Variants in CDC42BPA observed in about 807,000 individuals in gnomAD.
CDC42BPA encodes serine/threonine-protein kinase MRCK alpha.
A neutral mutation model predicts 223.5 loss-of-function variants in CDC42BPA; 80 were observed. That is an observed-to-expected ratio of 0.36 (90% CI 0.30 to 0.43). The LOEUF (loss-of-function observed/expected upper bound fraction) is 0.43, where lower values mean the gene tolerates loss of function less well. Ranked by LOEUF, CDC42BPA falls within the 20% of genes least tolerant of loss-of-function variation. The pLI is 1.00. For missense variants in CDC42BPA, 1,743 were observed against 2,099.9 expected, an observed-to-expected ratio of 0.83 and a Z score of 3.32; for synonymous variants, 694 against 718.6, an observed-to-expected ratio of 0.97 and a Z score of 0.55.
At chr1:227,300,116 G>A (rs1691358580) in intron 1 of CDC42BPA, among the ~76,000 whole-genome samples, 1 of 152,044 alleles carries the variant, frequency 6.6e-6, no homozygotes, top group Admixed American at 6.6e-5. Flanking sequence ...ATTACAAGAG[G>A]AATTTCATTT....
intron 2 of CDC42BPA, among the ~76,000 whole-genome samples, chr1:227,253,249 A>AGAGAGAGAGCGAGAGAGAGAGC (rs1553418801): frequency 2.0e-5 from 3 of 148,522 alleles, no homozygotes; most frequent in East Asian, 2.1e-4. Flanking sequence ...AAAGAGAGCG[A>AGAGAGAGAGCGAGAGAGAGAGC]GAGAGAGAGC....
intron 4 of CDC42BPA, 26 bp downstream of exon 4, chr1:227,199,531 T>C (rs1262871478): frequency 5.6e-6 from 7 of 1,240,856 alleles, no homozygotes; most frequent in South Asian, 3.7e-5. Context: ...AAAAACAGTA[T>C]ATAGAAATAC....
In CDC42BPA at chr1:227,023,305, A is replaced by C; in HGVS notation, c.4573T>G (p.Leu1525Val). Residue 1525 changes from leucine (L) to valine (V), a missense_variant, in exon 32 of 37, where the codon TTG (leucine) becomes GTG (valine). By Grantham distance (32) the Leu-to-Val change is conservative (BLOSUM62 1). This residue lies in a region of CDC42BPA where 678 missense variants were observed against 777.5 expected (regional missense o/e 0.87). Coordinates refer to ENST00000366766, the MANE Select transcript of CDC42BPA (RefSeq NM_001394014.1). ...NNEGSLNLLG[L>V]ETIRLIYFKN... ...AAATATATTAATCTAATGGTCTCCAACCCTAAAAGATTTAATGATCCTTCA... is the reference window on the plus strand; with the variant it reads ...AAATATATTAATCTAATGGTCTCCACCCCTAAAAGATTTAATGATCCTTCA... The C allele has an allele frequency of 6.5e-7, 1 of 1,549,032 alleles. No individual in the cohort carries two copies. The highest frequency in any genetic ancestry group is 1.2e-5 in the South Asian group (1 of 86,514).
At chr1:227,005,228 C>G (rs747232571) in intron 34 of CDC42BPA, 117 bp from the exon 35 acceptor site, 79 of 730,316 alleles carry the variant, frequency 1.1e-4, no homozygotes, top group Non-Finnish European at 1.7e-4. Flanking sequence ...CAGAATGACA[C>G]AGAGTAAGGA....
At position 227,162,929 on chromosome 1, in the gene CDC42BPA, CAT is replaced by C. The variant is rs1485110806; in HGVS notation, c.600-2295_600-2294del. On this transcript the variant is annotated intron_variant, in intron 5 of 36. Coordinates refer to ENST00000366766, the MANE Select transcript of CDC42BPA (RefSeq NM_001394014.1). ...GTGTGTATATGTGTGTGTTTCCAAACATATGTGTGTGTTTCCAAACATATATG... is the reference window on the plus strand; with the variant it reads ...GTGTGTATATGTGTGTGTTTCCAAACATGTGTGTGTTTCCAAACATATATG... Among the ~76,000 whole-genome samples the C allele has an allele frequency of 3.9e-3, 572 of 147,756 alleles. 3 individuals carry two copies. Among genetic ancestry groups the C allele is most frequent in the African/African-American group, 0.013 (495 of 39,468 alleles).
At chr1:227,027,653 T>G (rs1668511455) in intron 30 of CDC42BPA, among the ~76,000 whole-genome samples, 1 of 152,210 alleles carries the variant, frequency 6.6e-6, no homozygotes, top group Non-Finnish European at 1.5e-5. Context: ...ATCATAGCAC[T>G]TACACTCTAC....
At chr1:227,156,917 T>C (rs1313840215) in intron 6 of CDC42BPA, among the ~76,000 whole-genome samples, 12 of 152,156 alleles carry the variant, frequency 7.9e-5, no homozygotes, top group Admixed American at 7.9e-4. Context: ...CAATCTCTGT[T>C]TTCTCAACTC....
At chr1:227,241,666 T>C (rs747924846) in intron 2 of CDC42BPA, among the ~76,000 whole-genome samples, 6 of 152,144 alleles carry the variant, frequency 3.9e-5, no homozygotes, top group Non-Finnish European at 7.4e-5. Context: ...TGCCATTTGA[T>C]GGAAGCTGTG....
intron 1 of CDC42BPA, among the ~76,000 whole-genome samples, chr1:227,271,411 T>C (rs1034260126): frequency 4.6e-5 from 7 of 152,166 alleles, no homozygotes; most frequent in Non-Finnish European, 8.8e-5. Flanking sequence ...ACTTGGCACA[T>C]CATTCCTATC....
At chr1:227,150,397 TTAA>T (rs1316652434) in intron 6 of CDC42BPA, among the ~76,000 whole-genome samples, 7 of 152,172 alleles carry the variant, frequency 4.6e-5, no homozygotes, top group Non-Finnish European at 8.8e-5. Flanking sequence ...AGCTGAATTA[TTAA>T]TAACTAAGAA....
chr1:227,091,169 A>C (rs1558476464), intron 16 of CDC42BPA, among the ~76,000 whole-genome samples: 1 of 152,138 alleles, frequency 6.6e-6, no homozygotes, highest in African/African-American at 2.4e-5. Context: ...CTTGGCCTGA[A>C]CTTATTAGCC....
chr1:227,245,275 G>T (rs1680715982), intron 2 of CDC42BPA, among the ~76,000 whole-genome samples: 3 of 137,824 alleles, frequency 2.2e-5, no homozygotes, highest in South Asian at 4.9e-4. Context: ...AGAGGACTTT[G>T]TCTTGCATCT....
In CDC42BPA at chr1:227,016,349, T is replaced by C. The variant is rs1666248075; in HGVS notation, c.4740-152A>G. ...AACAGAATATACTCAATTAAAAATGTACTTCCTTAGAATATTTTGTTTTAA... is the reference window on the plus strand; with the variant it reads ...AACAGAATATACTCAATTAAAAATGCACTTCCTTAGAATATTTTGTTTTAA... On this transcript the variant is annotated intron_variant, in intron 33 of 36. Coordinates refer to ENST00000366766, the MANE Select transcript of CDC42BPA (RefSeq NM_001394014.1). 3 of 609,376 alleles carry C rather than the reference T, an allele frequency of 4.9e-6. No homozygotes were observed. In the East Asian group the frequency reaches 8.9e-5, roughly 18 times the overall value. 37.7% of individuals were successfully genotyped at this position (609,376 alleles called of 1,614,324 possible). A position where few individuals can be genotyped will look rare whatever the true frequency, so the allele number is the denominator to read the frequency against.
Position 227,317,428 on chromosome 1 carries a change from AT to A in CDC42BPA, c.-247del, listed in dbSNP as rs1694581590. On this transcript the variant is annotated 5_prime_UTR_variant, in exon 1 of 37. It adds an upstream start codon to the 5' untranslated region. Coordinates refer to ENST00000366766, the MANE Select transcript of CDC42BPA (RefSeq NM_001394014.1). ...TTACCATAAAATATATACTTAATGC[AT>A]TTTTAAAAGAATACAATTAAGTCGT... is the stretch of plus-strand genomic sequence containing the variant. The A allele has an allele frequency of 7.3e-6, 3 of 410,086 alleles. No homozygotes were observed. The highest frequency in any genetic ancestry group is 2.1e-5 in the African/African-American group (1 of 48,708). 25.4% of individuals were successfully genotyped at this position (410,086 alleles called of 1,614,324 possible). A position where few individuals can be genotyped will look rare whatever the true frequency, so the allele number is the denominator to read the frequency against.
intron 6 of CDC42BPA, among the ~76,000 whole-genome samples, chr1:227,158,906 G>T (rs1234211500): frequency 6.6e-6 from 1 of 152,156 alleles, no homozygotes; most frequent in African/African-American, 2.4e-5. Context: ...TCCAGCTGCT[G>T]CAGGTAGTCC....
chr1:227,315,792 G>C (rs1422595367), intron 1 of CDC42BPA, among the ~76,000 whole-genome samples: 1 of 152,028 alleles, frequency 6.6e-6, no homozygotes, highest in Non-Finnish European at 1.5e-5. Flanking sequence ...AGTCTGTTTT[G>C]AAAAGTTATT....
chr1:227,266,123 AGAT>A (rs1376193912), intron 1 of CDC42BPA, among the ~76,000 whole-genome samples: 1 of 152,212 alleles, frequency 6.6e-6, no homozygotes, highest in Non-Finnish European at 1.5e-5. Context: ...GTTTTACCCC[AGAT>A]GATGAATTAT....
intron 9 of CDC42BPA, 97 bp downstream of exon 9, chr1:227,142,848 G>T: frequency 1.5e-6 from 1 of 678,550 alleles, no homozygotes; most frequent in Non-Finnish European, 2.4e-6. Context: ...TCGATCTCCT[G>T]ACCTCATGAT....
intron 14 of CDC42BPA, among the ~76,000 whole-genome samples, chr1:227,105,683 T>C (rs1024621937): frequency 3.2e-4 from 49 of 152,180 alleles, no homozygotes; most frequent in African/African-American, 1.2e-3. Flanking sequence ...TTATTTCATA[T>C]AAGTGGAATC....
Sources: allele counts gnomAD v4.1 joint callset (sites outside exome capture counted in the v4.1 genomes callset), GRCh38; gene constraint gnomAD v4.1.1; regional missense constraint gnomAD v4.1.1; transcripts MANE v1.5; gene names NCBI Gene and HGNC (gene_info 2026-07-23, HGNC 2026-07-21).